The following STPG2 variants were observed in gnomAD, a reference collection of about 807,000 sequenced individuals.
The protein encoded by STPG2 is sperm tail PG-rich repeat containing 2.
In STPG2, 56 loss-of-function variants were observed where a neutral mutation model predicts 54.2. The ratio of observed to expected loss-of-function variants is 1.03; its 90% CI spans 0.83 to 1.29. The LOEUF is 1.29. Ranked by LOEUF, STPG2 falls within the 50% of genes most tolerant of loss-of-function variation. The probability of loss-of-function intolerance (pLI) is 0.00; values close to 1 mark genes in which losing one functional copy is unlikely to be tolerated. For synonymous variants in STPG2, 200 were observed against 181.8 expected (o/e 1.10, Z -0.81); for missense variants, 596 against 544.9 (o/e 1.09, Z -0.93).
chr4:98,142,231 C>T (rs6828752), intron 1 of STPG2, among the ~76,000 whole-genome samples: 60,098 of 151,964 alleles, frequency 0.4, 12,122 homozygotes, highest in Middle Eastern at 0.46. Context: ...CCTAAACCTT[C>T]CCTTATCTGA....
At chr4:97,801,427 T>C (rs773698777) in intron 9 of STPG2, among the ~76,000 whole-genome samples, 5 of 152,176 alleles carry the variant, frequency 3.3e-5, no homozygotes, top group Non-Finnish European at 5.9e-5. Context: ...TCATCAACCC[T>C]AATACTACTA....
chr4:98,104,613 CTT>C (rs1482530636), intron 5 of STPG2, among the ~76,000 whole-genome samples: 4 of 152,252 alleles, frequency 2.6e-5, no homozygotes, highest in Middle Eastern at 6.8e-3. Context: ...TATAAATTCT[CTT>C]TGATACTTCA....
intron 7 of STPG2, among the ~76,000 whole-genome samples, chr4:97,969,054 A>G (rs1389975477): frequency 6.6e-6 from 1 of 152,228 alleles, no homozygotes; most frequent in Non-Finnish European, 1.5e-5. Context: ...TGGATAAGAT[A>G]GGGCTATAAA....
chr4:98,065,940 C>A lies in STPG2; in HGVS notation c.612+40013G>T, dbSNP rs545829954. ...GAAGTATATTCTAGGAACAACTTTCCAAAATTGCTTCAAAATTAAGTAGGA... is the reference window on the plus strand; with the variant it reads ...GAAGTATATTCTAGGAACAACTTTCAAAAATTGCTTCAAAATTAAGTAGGA... On this transcript the variant is annotated intron_variant, in intron 5 of 10. Coordinates refer to ENST00000295268, the MANE Select transcript of STPG2 (RefSeq NM_174952.3). 2.6e-5 allele frequency among the ~76,000 whole-genome samples: 4 copies of A among 151,984 alleles called. No homozygotes were observed. The East Asian group carries it at 7.7e-4, about 29-fold the overall frequency.
At chr4:97,711,483 C>G (rs1247438077) in intron 10 of STPG2, among the ~76,000 whole-genome samples, 1 of 152,044 alleles carries the variant, frequency 6.6e-6, no homozygotes, top group African/African-American at 2.4e-5. Context: ...GAGATTCTCC[C>G]TTTCTGAAGT....
In STPG2 at chr4:97,453,183, C is replaced by T. The variant is rs76720182; in HGVS notation, c.462+259516G>A. On this transcript the variant is annotated intron_variant, in intron 4 of 4. Coordinates refer to the STPG2 transcript ENST00000522676. ...GCAGTGCCTGGCATCTCCAAGCTTC[C>T]GGGTGCCACTGCATGTTCTGGAGCC... 4.2e-3 allele frequency among the ~76,000 whole-genome samples: 641 copies of T among 152,296 alleles called. 15 individuals are homozygous for T. In the East Asian group the frequency reaches 0.059, roughly 14 times the overall value.
At chr4:97,512,024 A>G (rs1289602492) in intron 4 of STPG2, among the ~76,000 whole-genome samples, 2 of 152,050 alleles carry the variant, frequency 1.3e-5, no homozygotes, top group African/African-American at 2.4e-5. Context: ...CTGTTTTTTC[A>G]ACTTTTTTTT....
At chr4:97,502,548 A>G (rs1446162163) in intron 4 of STPG2, among the ~76,000 whole-genome samples, 1 of 152,078 alleles carries the variant, frequency 6.6e-6, no homozygotes, top group Non-Finnish European at 1.5e-5. Flanking sequence ...GCTAAAAAGC[A>G]AACTAGTATT....
intron 10 of STPG2, among the ~76,000 whole-genome samples, chr4:97,601,184 C>A (rs1733450786): frequency 1.3e-5 from 2 of 151,904 alleles, no homozygotes; most frequent in Non-Finnish European, 2.9e-5. Flanking sequence ...GCTTGCTTTT[C>A]CATTAAGTGT....
At chr4:97,745,660 T>A (rs1725401547) in intron 9 of STPG2, among the ~76,000 whole-genome samples, 2 of 151,008 alleles carry the variant, frequency 1.3e-5, no homozygotes, top group South Asian at 4.2e-4. Flanking sequence ...TCTATTAGAG[T>A]TTAGTAAAAC....
At chr4:98,082,044 G>C (rs1361906585) in intron 5 of STPG2, among the ~76,000 whole-genome samples, 1 of 152,156 alleles carries the variant, frequency 6.6e-6, no homozygotes, top group South Asian at 2.1e-4. Flanking sequence ...AAGTTTATGA[G>C]AAAGTTATGA....
intron 4 of STPG2, among the ~76,000 whole-genome samples, chr4:97,532,313 C>A (rs143211669): frequency 7.2e-5 from 11 of 152,134 alleles, no homozygotes; most frequent in Non-Finnish European, 1.5e-4. Flanking sequence ...AATGTTCACA[C>A]AACCTATAAA....
chr4:98,022,891 G>A (rs1173573090), intron 5 of STPG2, among the ~76,000 whole-genome samples: 1 of 152,096 alleles, frequency 6.6e-6, no homozygotes, highest in African/African-American at 2.4e-5. Flanking sequence ...GCACTTCTCT[G>A]CATTGGGTAT....
At chr4:97,764,273 A>C (rs1296135323) in intron 9 of STPG2, among the ~76,000 whole-genome samples, 1 of 152,112 alleles carries the variant, frequency 6.6e-6, no homozygotes, top group East Asian at 1.9e-4. Flanking sequence ...AACAGATTCC[A>C]TCTTATACAC....
chr4:97,592,049 T>C (rs897151862), intron 10 of STPG2, among the ~76,000 whole-genome samples: 1 of 152,170 alleles, frequency 6.6e-6, no homozygotes, highest in Non-Finnish European at 1.5e-5. Context: ...CATGTAGTCT[T>C]CTAATAAGTA....
chr4:97,776,577 A>G (rs1483513176), intron 9 of STPG2, among the ~76,000 whole-genome samples: 2 of 152,222 alleles, frequency 1.3e-5, no homozygotes, highest in Non-Finnish European at 2.9e-5. Flanking sequence ...GAGAACAGTA[A>G]AGAGAACAAA....
At chr4:98,007,839 A>G (rs1374448641) in intron 5 of STPG2, among the ~76,000 whole-genome samples, 1 of 152,058 alleles carries the variant, frequency 6.6e-6, no homozygotes, top group African/African-American at 2.4e-5. Flanking sequence ...GAAAACTTCC[A>G]TAATAGGCTA....
chr4:97,663,217 T>C (rs770596517), intron 10 of STPG2, among the ~76,000 whole-genome samples: 12 of 152,178 alleles, frequency 7.9e-5, no homozygotes, highest in Non-Finnish European at 1.6e-4. Context: ...ATACTCACTA[T>C]ATGTAGGTCA....
intron 10 of STPG2, among the ~76,000 whole-genome samples, chr4:97,607,275 C>G (rs1299824365): frequency 6.6e-6 from 1 of 151,736 alleles, no homozygotes; most frequent in Admixed American, 6.6e-5. Flanking sequence ...CTCTCTCCCT[C>G]TCTTTTTCTC....
Sources: gnomAD v4.1 joint callset for allele counts (sites outside exome capture counted in the v4.1 genomes callset) on GRCh38, gnomAD v4.1.1 for gene constraint, MANE v1.5 for transcripts, NCBI Gene and HGNC (gene_info 2026-07-23, HGNC 2026-07-21) for gene names.